C11orf65: variants seen among roughly 807,000 people sequenced by gnomAD.
C11orf65 encodes the protein chromosome 11 open reading frame 65.
C11orf65 carries 38 observed loss-of-function variants against 35.3 expected under a neutral mutation model. The observed-to-expected ratio is 1.08, with a 90% CI of 0.83 to 1.41. The LOEUF (loss-of-function observed/expected upper bound fraction) is 1.41. C11orf65 is among the 40% of genes most tolerant of loss of function. C11orf65 has a pLI of 0.00. For synonymous variants in C11orf65, 105 were observed against 114.4 expected, an observed-to-expected ratio of 0.92 and a Z score of 0.53; for missense variants, 370 against 367.1, an observed-to-expected ratio of 1.01 and a Z score of -0.06.
intron 3 of C11orf65, among the ~76,000 whole-genome samples, chr11:108,426,921 AAAC>A (rs2138986046): frequency 6.6e-6 from 1 of 152,346 alleles, no homozygotes; most frequent in East Asian, 1.9e-4. Flanking sequence ...AACCTGACAA[AAAC>A]AAGCAATGGG....
chr11:108,434,483 T>G (rs4753841), intron 2 of C11orf65, among the ~76,000 whole-genome samples: 1 of 150,128 alleles, frequency 6.7e-6, no homozygotes. Flanking sequence ...CCAGCCTGGG[T>G]GACAGAGGGA....
chr11:108,369,546 C>G (rs185407197), intron 2 of C11orf65, among the ~76,000 whole-genome samples: 95 of 152,210 alleles, frequency 6.2e-4, no homozygotes, highest in South Asian at 8.3e-4. Context: ...TAACAAAATG[C>G]ATTTTGCATA....
At chr11:108,330,890 A>G (rs1353509863), downstream of C11orf65, among the ~76,000 whole-genome samples, 2 of 152,228 alleles carry the variant, frequency 1.3e-5, no homozygotes, top group Admixed American at 6.5e-5. Flanking sequence ...GCAGTATTGT[A>G]TAAGTTTTTC....
At chr11:108,383,280 TA>T in intron 8 of C11orf65, 105 bp from the exon 9 acceptor site, 1 of 969,876 alleles carries the variant, frequency 1.0e-6, no homozygotes, top group South Asian at 1.8e-5. Flanking sequence ...TCACCATTCT[TA>T]AAGCAAATAT....
At chr11:108,362,830 G>A (rs1480412440) in intron 2 of C11orf65, among the ~76,000 whole-genome samples, 1 of 149,006 alleles carries the variant, frequency 6.7e-6, no homozygotes, top group African/African-American at 2.5e-5. Flanking sequence ...GGATAGCATT[G>A]GGAGATATAC....
chr11:108,408,281 T>A (rs1294904835), intron 3 of C11orf65, among the ~76,000 whole-genome samples: 1 of 152,150 alleles, frequency 6.6e-6, no homozygotes, highest in East Asian at 1.9e-4. Context: ...TAAAATATTA[T>A]CTTGCAGGTA....
chr11:108,344,406 GT>G, intron 2 of C11orf65, among the ~76,000 whole-genome samples: 1 of 152,286 alleles, frequency 6.6e-6, no homozygotes, highest in East Asian at 1.9e-4. Context: ...TAGGCTTAGT[GT>G]TTGAGGAAGA....
At chr11:108,425,270 A>C (rs1371187181) in intron 3 of C11orf65, among the ~76,000 whole-genome samples, 1 of 152,162 alleles carries the variant, frequency 6.6e-6, no homozygotes, top group African/African-American at 2.4e-5. Context: ...ACTAACAAAG[A>C]AGAGAGAAGA....
intron 2 of C11orf65, among the ~76,000 whole-genome samples, chr11:108,364,866 C>A (rs1310738139): frequency 6.6e-6 from 1 of 152,162 alleles, no homozygotes; most frequent in African/African-American, 2.4e-5. Flanking sequence ...TCACCCCTAA[C>A]CATGGAGGAA....
intron 2 of C11orf65, among the ~76,000 whole-genome samples, chr11:108,443,814 A>G (rs2093202954): frequency 6.6e-6 from 1 of 152,250 alleles, no homozygotes; most frequent in Admixed American, 6.5e-5. Context: ...GGACACATTT[A>G]AAGTAGTGTG....
At chr11:108,365,582 C>T (rs2137938198) in intron 2 of C11orf65, 1 of 1,508,496 alleles carries the variant, frequency 6.6e-7, no homozygotes, top group Non-Finnish European at 9.0e-7. Context: ...AACCTGCCAA[C>T]ATACTTTAAG....
chr11:108,330,253 A>G (rs2136454257), downstream of C11orf65: 1 of 1,614,204 alleles, frequency 6.2e-7, no homozygotes, highest in Non-Finnish European at 8.5e-7. Flanking sequence ...AGTTGGATGA[A>G]TTAGCCCTGC....
At chr11:108,409,714 G>A (rs918279644) in intron 3 of C11orf65, among the ~76,000 whole-genome samples, 8 of 152,044 alleles carry the variant, frequency 5.3e-5, no homozygotes, top group South Asian at 2.1e-4. Flanking sequence ...GGAGGTGAGC[G>A]GCAGGAGCAT....
chr11:108,455,319 T>C (rs2093398654), intron 2 of C11orf65, among the ~76,000 whole-genome samples: 1 of 152,198 alleles, frequency 6.6e-6, no homozygotes. Flanking sequence ...TGTTTCCAGA[T>C]GACATGATCT....
At chr11:108,342,468 A>G (rs1490750881) in intron 2 of C11orf65, among the ~76,000 whole-genome samples, 1 of 152,188 alleles carries the variant, frequency 6.6e-6, no homozygotes, top group Non-Finnish European at 1.5e-5. Context: ...ATTTGTGTAC[A>G]TATAGCTTTG....
At chr11:108,362,946 A>G (rs1372457692) in intron 2 of C11orf65, among the ~76,000 whole-genome samples, 3 of 152,110 alleles carry the variant, frequency 2.0e-5, no homozygotes, top group Non-Finnish European at 4.4e-5. Flanking sequence ...ACATAAAAGT[A>G]TAATTTAAAA....
chr11:108,332,849 G>C lies in C11orf65; in HGVS notation c.300-1282C>G, dbSNP rs267606669. On this transcript the variant is annotated intron_variant, in intron 3 of 3. Transcript: ENST00000524755. ...CAGAAGTGTTGAGGCACTTTGTGAT[G>C]CTTATATTATATTAGCAAACTTAGA... The C allele has an allele frequency of 6.8e-6, 11 of 1,613,054 alleles. No individual in the cohort carries two copies. The highest frequency in any genetic ancestry group is 9.3e-6 in the Non-Finnish European group (11 of 1,179,646).
At chr11:108,462,582 G>A (rs1354769674) in intron 1 of C11orf65, 2 of 152,072 alleles carry the variant, frequency 1.3e-5, no homozygotes, top group Non-Finnish European at 2.9e-5. Context: ...CTTTCTTAAC[G>A]TGCATAGAGA....
chr11:108,374,466 C>T (rs904144821), intron 2 of C11orf65, among the ~76,000 whole-genome samples: 1 of 152,140 alleles, frequency 6.6e-6, no homozygotes, highest in African/African-American at 2.4e-5. Context: ...GAAAGGATAT[C>T]CACACCAAAA....
Sources: gnomAD v4.1 joint callset for allele counts (sites outside exome capture counted in the v4.1 genomes callset) on GRCh38, gnomAD v4.1.1 for gene constraint, MANE v1.5 for transcripts, NCBI Gene and HGNC (gene_info 2026-07-23, HGNC 2026-07-21) for gene names.